Variants in DHX33 observed in about 807,000 individuals in gnomAD.
DHX33 encodes DEAH-box helicase 33.
Under a neutral mutation model 72.5 loss-of-function variants are expected in DHX33, and 42 were observed. The ratio of observed to expected loss-of-function variants is 0.58; its 90% CI spans 0.45 to 0.75. The LOEUF (loss-of-function observed/expected upper bound fraction) is 0.75, where lower values mean the gene tolerates loss of function less well. DHX33 is among the 30% of genes least tolerant of loss of function. The pLI is 0.00. For synonymous variants in DHX33, 358 were observed against 366.1 expected (o/e 0.98, Z 0.25); for missense variants, 842 against 917.5 (o/e 0.92, Z 1.06).
At chr17:5,459,133 G>A (rs562753061) in intron 4 of DHX33, among the ~76,000 whole-genome samples, 3 of 152,238 alleles carry the variant, frequency 2.0e-5, no homozygotes, top group East Asian at 1.9e-4. Context: ...CCAGGAGATC[G>A]AGGCTGTAGT....
chr17:5,448,505 T>C (rs1392919140), intron 11 of DHX33, among the ~76,000 whole-genome samples: 1 of 152,150 alleles, frequency 6.6e-6, no homozygotes, highest in Admixed American at 6.6e-5. Context: ...AATGCAGATA[T>C]TCATACTTAA....
At chr17:5,455,885 G>A in intron 5 of DHX33, 112 bp downstream of exon 5, 3 of 1,182,622 alleles carry the variant, frequency 2.5e-6, no homozygotes, top group Non-Finnish European at 3.6e-6. Context: ...TCTGGCACCT[G>A]GGTATCCCAT....
chr17:5,446,084 T>A (rs1916649034), intron 11 of DHX33, among the ~76,000 whole-genome samples: 2 of 152,100 alleles, frequency 1.3e-5, no homozygotes, highest in Non-Finnish European at 1.5e-5. Context: ...AAGCGATTTT[T>A]GTGCCTCAGC....
At chr17:5,464,434 G>A (rs920800150) in intron 1 of DHX33, among the ~76,000 whole-genome samples, 2 of 152,156 alleles carry the variant, frequency 1.3e-5, no homozygotes, top group African/African-American at 4.8e-5. Flanking sequence ...AAAGCCTCAG[G>A]AGAATGGGCA....
intron 3 of DHX33, 52 bp downstream of exon 3, chr17:5,462,267 A>G: frequency 6.4e-7 from 1 of 1,555,418 alleles, no homozygotes; most frequent in South Asian, 1.1e-5. Flanking sequence ...TGTGTTACGC[A>G]TACTTTCAGG....
intron 4 of DHX33, among the ~76,000 whole-genome samples, chr17:5,458,336 C>T (rs889543589): frequency 6.6e-6 from 1 of 151,872 alleles, no homozygotes; most frequent in African/African-American, 2.4e-5. Context: ...GAAAATGAGC[C>T]AGAGCTACCC....
chr17:5,468,223 C>A (rs533081405), intron 1 of DHX33, among the ~76,000 whole-genome samples: 1 of 152,336 alleles, frequency 6.6e-6, no homozygotes, highest in African/African-American at 2.4e-5. Context: ...GGCTTTCCCC[C>A]CTGCCTAGAA....
At chr17:5,461,152 G>C (rs774900654) in intron 3 of DHX33, 43 bp from the exon 4 acceptor site, 1 of 1,577,762 alleles carries the variant, frequency 6.3e-7, no homozygotes, top group Admixed American at 1.7e-5. Context: ...CAAATAGTGG[G>C]AAGGCCTTTC....
At position 5,468,771 on chromosome 17, in the gene DHX33, C is replaced by T. The variant is rs1367112999; in HGVS notation, c.89G>A (p.Arg30Lys). 2.0e-5 allele frequency: 33 copies of T among 1,609,994 alleles called. No individual in the cohort carries two copies. The highest frequency in any genetic ancestry group is 2.7e-5 in the African/African-American group (2 of 74,992). ...PSRAGSFPPG[R>K]QVVMLLTAGS... ...CGCAGTCAGCAGCATCACCACTTGC[C>T]TCCCGGGAGGGAAGGACCCAGCGCG... Residue 30 changes from arginine to lysine, a missense_variant, in exon 1 of 12, where the codon AGG becomes AAG. Transcript: ENST00000225296.
intron 2 of DHX33, 49 bp from the exon 3 acceptor site, chr17:5,462,595 C>A (rs1360412108): frequency 6.8e-7 from 1 of 1,460,428 alleles, no homozygotes; most frequent in Admixed American, 1.7e-5. Context: ...CTTGAGCGCC[C>A]ACTGTGTCCG....
Position 5,468,763 on chromosome 17 carries a change from C to G in DHX33, c.97G>C (p.Val33Leu). The stretch of plus-strand genomic sequence containing the variant: ...CCGCTGCCCGCAGTCAGCAGCATCA[C>G]CACTTGCCTCCCGGGAGGGAAGGAC... Reference protein sequence around the residue: ...AGSFPPGRQVVMLLTAGSGGR... With the variant: ...AGSFPPGRQVLMLLTAGSGGR... Residue 33 changes from valine (V) to leucine (L), a missense_variant, in exon 1 of 12, where the codon GTG becomes CTG. Physicochemically the swap from Val to Leu is conservative, Grantham distance 32. Coordinates refer to ENST00000225296, the MANE Select transcript of DHX33 (RefSeq NM_020162.4). 6.2e-7 allele frequency: 1 copy of G among 1,610,630 alleles called. No individual in the cohort carries two copies. Among genetic ancestry groups the G allele is most frequent in the Non-Finnish European group, 8.5e-7 (1 of 1,178,806 alleles).
chr17:5,468,712 T>C lies in DHX33; in HGVS notation c.148A>G (p.Arg50Gly). Reference sequence around the variant, plus strand: ...GGCTGGGCCAGGGGCGGCTGCTGCCTCCGGCCTCCTCCTCCTCCTCTGCCG... The same window carrying C: ...GGCTGGGCCAGGGGCGGCTGCTGCCCCCGGCCTCCTCCTCCTCCTCTGCCG... ...SGGRGGGGGR[R>G]QQPPLAQPSA... The change falls in exon 1 of 12, where the codon AGG becomes GGG. Residue 50 changes from arginine (R) to glycine (G), a missense_variant. Arg to Gly is a moderately radical substitution (Grantham distance 125, BLOSUM62 -2). Transcript: ENST00000225296. The C allele has an allele frequency of 6.2e-7, 1 of 1,611,044 alleles. No homozygotes were observed. Among genetic ancestry groups the C allele is most frequent in the Middle Eastern group, 1.7e-4 (1 of 5,990 alleles).
intron 6 of DHX33, among the ~76,000 whole-genome samples, 157 bp from the exon 7 acceptor site, chr17:5,454,137 G>A (rs1042933596): frequency 3.3e-5 from 5 of 152,172 alleles, no homozygotes; most frequent in South Asian, 2.1e-4. Context: ...AGACTGCTCC[G>A]CAGCGGTTTG....
rs781301792 is a variant in DHX33, at chr17:5,468,703, G to A, written c.157C>T (p.Pro53Ser). The change falls in exon 1 of 12, where the codon CCG (proline) becomes TCG (serine). Residue 53 changes from proline to serine, a missense_variant. Physicochemically the swap from Pro to Ser is moderately conservative, Grantham distance 74. Transcript: ENST00000225296. ...RGGGGGRRQQ[P>S]PLAQPSASPY... ...CTGGCCGAGGGCTGGGCCAGGGGCG[G>A]CTGCTGCCTCCGGCCTCCTCCTCCT... 9 of 1,611,220 alleles carry A rather than the reference G, an allele frequency of 5.6e-6. No homozygotes were observed. The Admixed American group carries it at 1.5e-4, about 27-fold the overall frequency.
Position 5,468,431 on chromosome 17 carries a change from C to T in DHX33, c.289+140G>A, listed in dbSNP as rs181362583. On this transcript the variant is annotated intron_variant, in intron 1 of 11. Transcript: ENST00000225296. ...GGCTGCCGGACTCTTCTTCGAGGCC[C>T]CTCTCCAGGTCTGGCCCAGAAAAGG... is the stretch of plus-strand genomic sequence containing the variant. 1.1e-3 allele frequency: 1,321 copies of T among 1,165,684 alleles called. 3 individuals are homozygous for T. The highest frequency in any genetic ancestry group is 2.5e-3 in the Admixed American group (93 of 36,694). 72.2% of individuals were successfully genotyped at this position (1,165,684 alleles called of 1,614,324 possible). A position where few individuals can be genotyped will look rare whatever the true frequency, so the allele number is the denominator to read the frequency against.
At chr17:5,445,686 C>G (rs952988541) in intron 11 of DHX33, among the ~76,000 whole-genome samples, 2 of 152,224 alleles carry the variant, frequency 1.3e-5, no homozygotes, top group African/African-American at 2.4e-5. Flanking sequence ...ACTTGTCAAT[C>G]TCTGCTGGGC....
At chr17:5,445,027 G>A (rs913009116) in intron 11 of DHX33, among the ~76,000 whole-genome samples, 5 of 151,900 alleles carry the variant, frequency 3.3e-5, no homozygotes, top group Admixed American at 2.0e-4. Context: ...AAGCCACGAA[G>A]GAGCCACCCT....
intron 4 of DHX33, among the ~76,000 whole-genome samples, chr17:5,458,960 G>A (rs1384973811): frequency 6.6e-6 from 1 of 152,158 alleles, no homozygotes; most frequent in Admixed American, 6.5e-5. Context: ...TGCTTTGGGA[G>A]GCTGAGTCGG....
intron 4 of DHX33, among the ~76,000 whole-genome samples, chr17:5,460,436 T>TTA (rs1904535275): frequency 6.6e-6 from 1 of 152,116 alleles, no homozygotes; most frequent in Non-Finnish European, 1.5e-5. Flanking sequence ...TTCTTTTCAA[T>TTA]GAAAATTAGA....
Sources: allele counts gnomAD v4.1 joint callset (sites outside exome capture counted in the v4.1 genomes callset), GRCh38; gene constraint gnomAD v4.1.1; transcripts MANE v1.5; gene names NCBI Gene and HGNC (gene_info 2026-07-23, HGNC 2026-07-21).